Variants in LARP1 observed in about 807,000 individuals in gnomAD.
LARP1 encodes the protein la-related protein 1.
Under a neutral mutation model 122.7 loss-of-function variants are expected in LARP1, and 36 were observed. The ratio of observed to expected loss-of-function variants is 0.29; its 90% confidence interval spans 0.22 to 0.39. The LOEUF (loss-of-function observed/expected upper bound fraction) is 0.39. Among genes scored for constraint, LARP1 ranks in the 10% least tolerant of loss-of-function variants. The probability of loss-of-function intolerance (pLI) is 1.00; values close to 1 mark genes in which losing one functional copy is unlikely to be tolerated. For missense variants in LARP1, 1,040 were observed against 1,403.6 expected (o/e 0.74, Z 4.14); for synonymous variants, 539 against 528.7 (o/e 1.02, Z -0.27).
chr5:154,729,020 G>C (rs950620040), intron 1 of LARP1, among the ~76,000 whole-genome samples: 2 of 152,156 alleles, frequency 1.3e-5, no homozygotes, highest in Non-Finnish European at 2.9e-5. Context: ...GCACTTGAGA[G>C]GGATTCTTGG....
intron 1 of LARP1, among the ~76,000 whole-genome samples, chr5:154,713,684 C>T (rs1262638551): frequency 1.3e-5 from 2 of 152,184 alleles, no homozygotes; most frequent in Non-Finnish European, 2.9e-5. Context: ...AGGACACCAG[C>T]AAAATCCTGC....
rs577599655 is a variant in LARP1, at chr5:154,774,106, T to G, written c.437-16219T>G. Among the ~76,000 whole-genome samples, 4 of 151,838 alleles carry G rather than the reference T, an allele frequency of 2.6e-5. No individual in the cohort carries two copies. The South Asian group carries it at 8.3e-4, about 32-fold the overall frequency. On this transcript the variant is annotated intron_variant, in intron 1 of 18. Transcript: ENST00000518297. ...ACCGGTGCCTCAGTTTTTCAGCCTG[T>G]AAAATTGGGCTGCTTCTTAGATATG...
intron 1 of LARP1, among the ~76,000 whole-genome samples, chr5:154,761,415 A>G (rs987685078): frequency 2.0e-5 from 3 of 152,166 alleles, no homozygotes; most frequent in Non-Finnish European, 4.4e-5. Flanking sequence ...AGCAATCTTA[A>G]TAGCTGTTAC....
intron 16 of LARP1, among the ~76,000 whole-genome samples, chr5:154,810,662 A>G (rs1243296683): frequency 6.6e-6 from 1 of 151,416 alleles, no homozygotes; most frequent in Admixed American, 6.6e-5. Context: ...TAATTTTTGT[A>G]TTTTGGTAGA....
At chr5:154,793,010 A>G (rs1757458827) in intron 4 of LARP1, among the ~76,000 whole-genome samples, 1 of 152,234 alleles carries the variant, frequency 6.6e-6, no homozygotes, top group Admixed American at 6.5e-5. Context: ...GGCTTCTCTA[A>G]TGCTGATCTA....
chr5:154,805,384 C>T (rs1391758212), intron 14 of LARP1: 1 of 193,820 alleles, frequency 5.2e-6, no homozygotes, highest in African/African-American at 2.4e-5. Context: ...AGGTCCTCAT[C>T]CTCATGGTCT....
upstream of LARP1, among the ~76,000 whole-genome samples, chr5:154,752,958 C>G (rs1351901228): frequency 2.0e-5 from 3 of 151,808 alleles, no homozygotes; most frequent in African/African-American, 4.8e-5. Flanking sequence ...TTGTTTCACA[C>G]AGGTCTCTTA....
intron 3 of LARP1, among the ~76,000 whole-genome samples, chr5:154,790,951 G>GCCTCC (rs1757292753): frequency 2.0e-5 from 3 of 151,612 alleles, no homozygotes; most frequent in Non-Finnish European, 4.4e-5. Flanking sequence ...CCGAGTAGCT[G>GCCTCC]TGATTACAGG....
At chr5:154,775,832 C>T (rs1021668540) in intron 1 of LARP1, among the ~76,000 whole-genome samples, 5 of 152,134 alleles carry the variant, frequency 3.3e-5, no homozygotes, top group Non-Finnish European at 7.3e-5. Flanking sequence ...GAGTCAGATA[C>T]CTTCTCACTG....
intron 1 of LARP1, among the ~76,000 whole-genome samples, chr5:154,734,523 T>C (rs1054182747): frequency 6.6e-6 from 1 of 152,208 alleles, no homozygotes; most frequent in Admixed American, 6.5e-5. Context: ...ATAATTTACA[T>C]ATATTAGAAT....
chr5:154,804,827 C>T, intron 14 of LARP1: 1 of 456,242 alleles, frequency 2.2e-6, no homozygotes, highest in Non-Finnish European at 4.4e-6. Flanking sequence ...TTGAGAGCCA[C>T]CTACCTATGA....
At position 154,793,636 on chromosome 5, in the gene LARP1, C is replaced by G. The variant is rs756529014; in HGVS notation, c.781C>G (p.Pro261Ala). 7 of 1,614,070 alleles carry G rather than the reference C, an allele frequency of 4.3e-6. No individual in the cohort carries two copies. Among genetic ancestry groups the G allele is most frequent in the Non-Finnish European group, 5.9e-6 (7 of 1,180,042 alleles). Residue 261 changes from proline to alanine, a missense_variant, in exon 5 of 19, where the codon CCT becomes GCT. Pro to Ala is a conservative substitution (Grantham distance 27). Coordinates refer to ENST00000518297, the MANE Select transcript of LARP1 (RefSeq NM_033551.3). ...KWVPLQIDMK[P>A]EVPREKLASR... The stretch of plus-strand genomic sequence containing the variant: ...GGTTCCATTACAAATAGACATGAAG[C>G]CTGAAGTGCCCAGAGAGAAACTGGC...
At chr5:154,752,015 G>A (rs1359102307), upstream of LARP1, among the ~76,000 whole-genome samples, 1 of 152,018 alleles carries the variant, frequency 6.6e-6, no homozygotes, top group East Asian at 1.9e-4. Flanking sequence ...TCACTGTGTT[G>A]TCCAGGCTGA....
intron 1 of LARP1, among the ~76,000 whole-genome samples, chr5:154,704,492 C>G (rs1391654845): frequency 6.6e-6 from 1 of 151,704 alleles, no homozygotes; most frequent in Non-Finnish European, 1.5e-5. Flanking sequence ...ACTAAAAATA[C>G]AAAAATTAGC....
At chr5:154,734,669 C>T (rs537269979) in intron 1 of LARP1, among the ~76,000 whole-genome samples, 109 of 152,036 alleles carry the variant, frequency 7.2e-4, no homozygotes, top group Middle Eastern at 3.4e-3. Flanking sequence ...AAAAAAATTC[C>T]TTTTCTGGTA....
chr5:154,754,313 C>G (rs998233331), upstream of LARP1, among the ~76,000 whole-genome samples: 4 of 152,162 alleles, frequency 2.6e-5, no homozygotes, highest in Admixed American at 2.0e-4. Flanking sequence ...CCCCACAGTA[C>G]GAGGTCAGTA....
chr5:154,696,198 A>G (rs903432401), intron 1 of LARP1, among the ~76,000 whole-genome samples: 15 of 152,054 alleles, frequency 9.9e-5, no homozygotes, highest in Non-Finnish European at 1.8e-4. Flanking sequence ...TTCTACAAAA[A>G]ATTAAAAAAT....
chr5:154,775,062 G>A (rs759853823), intron 1 of LARP1, among the ~76,000 whole-genome samples: 8 of 152,178 alleles, frequency 5.3e-5, no homozygotes, highest in Non-Finnish European at 1.2e-4. Flanking sequence ...TAATCCCAGC[G>A]CTTTGGGAAG....
chr5:154,760,832 C>T (rs1374739800), intron 1 of LARP1, among the ~76,000 whole-genome samples: 1 of 152,160 alleles, frequency 6.6e-6, no homozygotes, highest in Non-Finnish European at 1.5e-5. Context: ...AGACATCAGT[C>T]GTGCATTGTT....
Sources: allele counts gnomAD v4.1 joint callset (sites outside exome capture counted in the v4.1 genomes callset), GRCh38; gene constraint gnomAD v4.1.1; transcripts MANE v1.5; gene names NCBI Gene and HGNC (gene_info 2026-07-23, HGNC 2026-07-21).